Variants in TTC39C observed in about 807,000 individuals in gnomAD.
The protein encoded by TTC39C is tetratricopeptide repeat protein 39C.
TTC39C carries 33 observed loss-of-function variants against 76.3 expected under a neutral mutation model. The ratio of observed to expected loss-of-function variants is 0.43; its 90% CI spans 0.33 to 0.58. The LOEUF is 0.58. Ranked by LOEUF, TTC39C falls within the 20% of genes least tolerant of loss-of-function variation. TTC39C has a pLI of 0.04. For missense variants in TTC39C, 595 were observed against 701.4 expected (o/e 0.85, Z 1.71); for synonymous variants, 254 against 260.6 (o/e 0.97, Z 0.24).
chr18:24,023,963 TATATATATATATATATA>T (rs1568408817), intron 1 of TTC39C, among the ~76,000 whole-genome samples: 11 of 10,268 alleles, frequency 1.1e-3, no homozygotes, highest in African/African-American at 1.2e-3. Flanking sequence ...TATATATATA[TATATATATATATATATA>T]CATATATATA....
intron 1 of TTC39C, among the ~76,000 whole-genome samples, chr18:24,004,968 A>G (rs1208336107): frequency 6.6e-6 from 1 of 152,184 alleles, no homozygotes; most frequent in Admixed American, 6.5e-5. Context: ...GCTGAATTAG[A>G]TCATATATGA....
chr18:24,116,048 T>G (rs1370155082), intron 7 of TTC39C, among the ~76,000 whole-genome samples: 2 of 152,182 alleles, frequency 1.3e-5, no homozygotes, highest in Non-Finnish European at 2.9e-5. Flanking sequence ...AACTCGGGCT[T>G]CCGATTCAGG....
chr18:24,084,392 C>T (rs558472647), intron 6 of TTC39C, among the ~76,000 whole-genome samples: 6 of 151,922 alleles, frequency 3.9e-5, no homozygotes, highest in African/African-American at 1.2e-4. Flanking sequence ...GGCTGAGACA[C>T]GAGAATCGCT....
intron 6 of TTC39C, among the ~76,000 whole-genome samples, chr18:24,094,981 T>A (rs537411553): frequency 1.3e-5 from 2 of 152,338 alleles, no homozygotes; most frequent in South Asian, 4.1e-4. Context: ...GCTATGAAAA[T>A]TCTAGATGGC....
intron 6 of TTC39C, among the ~76,000 whole-genome samples, chr18:24,089,285 A>AACAG (rs1568433330): frequency 6.6e-6 from 1 of 152,150 alleles, no homozygotes; most frequent in African/African-American, 2.4e-5. Context: ...TTGTATTTGG[A>AACAG]ACAGCATGCC....
chr18:24,096,205 C>T (rs2084586826), intron 6 of TTC39C, among the ~76,000 whole-genome samples: 1 of 152,112 alleles, frequency 6.6e-6, no homozygotes, highest in African/African-American at 2.4e-5. Context: ...TGCCAATGGA[C>T]TTATTCATGG....
chr18:23,995,160 T>C (rs1247472260), intron 1 of TTC39C, among the ~76,000 whole-genome samples: 1 of 152,170 alleles, frequency 6.6e-6, no homozygotes, highest in Non-Finnish European at 1.5e-5. Context: ...ATTTTGTCAT[T>C]TCAAGACTGT....
At chr18:24,120,166 A>G (rs1009203190) in intron 8 of TTC39C, among the ~76,000 whole-genome samples, 3 of 152,174 alleles carry the variant, frequency 2.0e-5, no homozygotes, top group Admixed American at 6.5e-5. Flanking sequence ...CCTGGTCAAC[A>G]TGGTGAAACC....
At chr18:24,113,852 G>T (rs1388611509) in intron 6 of TTC39C, 2 of 611,258 alleles carry the variant, frequency 3.3e-6, no homozygotes, top group Admixed American at 2.5e-5. Flanking sequence ...TTGAGAGTTT[G>T]CTGGGTCCCA....
chr18:24,112,157 T>G (rs1411492568), intron 6 of TTC39C, among the ~76,000 whole-genome samples: 1 of 152,176 alleles, frequency 6.6e-6, no homozygotes, highest in Non-Finnish European at 1.5e-5. Context: ...TGGCCTTCCT[T>G]GACTTGTGGC....
At chr18:24,026,819 ATTAAG>A (rs1272330853) in intron 1 of TTC39C, among the ~76,000 whole-genome samples, 1 of 152,204 alleles carries the variant, frequency 6.6e-6, no homozygotes, top group Admixed American at 6.5e-5. Flanking sequence ...GTTGTACTTC[ATTAAG>A]TTATCACTCC....
At chr18:24,060,844 T>C (rs1233671384) in intron 1 of TTC39C, among the ~76,000 whole-genome samples, 5 of 152,182 alleles carry the variant, frequency 3.3e-5, no homozygotes, top group Admixed American at 2.0e-4. Flanking sequence ...TTAAGATTTT[T>C]CTTTTGGCCA....
intron 4 of TTC39C, among the ~76,000 whole-genome samples, chr18:24,070,361 ACTCATAG>A (rs2084222553): frequency 6.6e-6 from 1 of 152,136 alleles, no homozygotes; most frequent in East Asian, 1.9e-4. Flanking sequence ...ATGGTCAAGA[ACTCATAG>A]CTCATGTGAA....
At chr18:24,116,030 T>C (rs530779193) in intron 7 of TTC39C, among the ~76,000 whole-genome samples, 1 of 152,298 alleles carries the variant, frequency 6.6e-6, no homozygotes, top group East Asian at 1.9e-4. Context: ...AACTCAGGAG[T>C]TGGTAGTAAC....
intron 5 of TTC39C, among the ~76,000 whole-genome samples, chr18:24,082,057 G>A (rs1485681183): frequency 1.4e-5 from 2 of 138,136 alleles, no homozygotes; most frequent in African/African-American, 5.4e-5. Flanking sequence ...TTGCTCTGTA[G>A]CCCAGGGTGG....
At chr18:24,043,176 A>G (rs1353847408) in intron 1 of TTC39C, among the ~76,000 whole-genome samples, 1 of 152,218 alleles carries the variant, frequency 6.6e-6, no homozygotes, top group Non-Finnish European at 1.5e-5. Flanking sequence ...GAAGCAGTAT[A>G]TGTTGAAAGA....
intron 12 of TTC39C, among the ~76,000 whole-genome samples, chr18:24,130,788 T>G (rs1203860816): frequency 6.6e-6 from 1 of 152,062 alleles, no homozygotes; most frequent in Non-Finnish European, 1.5e-5. Context: ...TATAATTGTG[T>G]ACAGCATGTT....
chr18:23,999,268 G>C (rs968292765), intron 1 of TTC39C, among the ~76,000 whole-genome samples: 1 of 152,164 alleles, frequency 6.6e-6, no homozygotes, highest in Non-Finnish European at 1.5e-5. Flanking sequence ...AAGGTATAAG[G>C]CTCTATCCCA....
intron 4 of TTC39C, among the ~76,000 whole-genome samples, chr18:24,072,345 G>C (rs1197006157): frequency 6.6e-6 from 1 of 151,530 alleles, no homozygotes; most frequent in African/African-American, 2.4e-5. Flanking sequence ...GCAGGCTGGA[G>C]TGCAGTGGCA....
Sources: gnomAD v4.1 joint callset for allele counts (sites outside exome capture counted in the v4.1 genomes callset) on GRCh38, gnomAD v4.1.1 for gene constraint, MANE v1.5 for transcripts, NCBI Gene and HGNC (gene_info 2026-07-23, HGNC 2026-07-21) for gene names.